The following HELZ variants were observed in gnomAD, a reference collection of about 807,000 sequenced individuals.
HELZ encodes helicase with zinc finger, also known as ATP-dependent RNA helicase with zinc finger domain.
In HELZ, 23 loss-of-function variants were observed where a neutral mutation model predicts 218.2. The observed-to-expected ratio is 0.11, with a 90% confidence interval of 0.08 to 0.15. The LOEUF is 0.15. HELZ is among the 10% of genes least tolerant of loss of function. HELZ has a pLI of 1.00. For missense variants in HELZ, 1,813 were observed against 2,353.7 expected, an observed-to-expected ratio of 0.77 and a Z score of 4.75; for synonymous variants, 814 against 829.4, an observed-to-expected ratio of 0.98 and a Z score of 0.32.
chr17:67,109,759 C>A, intron 28 of HELZ, 73 bp from the exon 29 acceptor site: 1 of 1,055,468 alleles, frequency 9.5e-7, no homozygotes, highest in East Asian at 2.4e-5. Context: ...TTTCCCAACC[C>A]TAACACATCT....
intron 3 of HELZ, among the ~76,000 whole-genome samples, chr17:67,231,486 G>C (rs771830195): frequency 1.3e-5 from 2 of 150,700 alleles, no homozygotes; most frequent in Non-Finnish European, 3.0e-5. Flanking sequence ...CTAGCTACTC[G>C]GGAGGTTGAG....
At chr17:67,240,565 A>G (rs1386214388) in intron 2 of HELZ, among the ~76,000 whole-genome samples, 1 of 152,218 alleles carries the variant, frequency 6.6e-6, no homozygotes, top group Non-Finnish European at 1.5e-5. Context: ...CAACAAAGAT[A>G]ATTTCTGCAG....
chr17:67,167,983 T>A (rs917346677), intron 13 of HELZ, among the ~76,000 whole-genome samples, 187 bp from the exon 14 acceptor site: 5 of 90,240 alleles, frequency 5.5e-5, no homozygotes, highest in Admixed American at 9.5e-5. Context: ...AAAAAAAAAT[T>A]TTTTTTTTTG....
chr17:67,230,616 A>G (rs954909871), intron 3 of HELZ, among the ~76,000 whole-genome samples: 2 of 143,446 alleles, frequency 1.4e-5, no homozygotes, highest in Non-Finnish European at 3.1e-5. Context: ...AAAAAAAAGC[A>G]AGCAAATTAT....
rs182580469 is a variant in HELZ, at chr17:67,202,676, C to A, written c.372+643G>T. On this transcript the variant is annotated intron_variant, in intron 6 of 32. Coordinates refer to ENST00000358691, the MANE Select transcript of HELZ (RefSeq NM_014877.4). Reference sequence around the variant, plus strand: ...TGAAATAAATTGTTGAATTTAAGAACCCTATGAGATCATATGTCCACATCA... The same window carrying A: ...TGAAATAAATTGTTGAATTTAAGAAACCTATGAGATCATATGTCCACATCA... Among the ~76,000 whole-genome samples the A allele has an allele frequency of 4.9e-4, 74 of 152,174 alleles. No homozygotes were observed. In the East Asian group the frequency reaches 0.013, roughly 26 times the overall value.
At chr17:67,135,371 G>A (rs2038117755) in intron 23 of HELZ, among the ~76,000 whole-genome samples, 1 of 152,106 alleles carries the variant, frequency 6.6e-6, no homozygotes, top group Non-Finnish European at 1.5e-5. Context: ...ATCCATCAAA[G>A]ACAAACACAT....
intron 12 of HELZ, among the ~76,000 whole-genome samples, chr17:67,181,819 C>T (rs145320379): frequency 5.3e-5 from 8 of 151,910 alleles, no homozygotes; most frequent in African/African-American, 1.9e-4. Context: ...ACTAAGGATA[C>T]GGTATGCAAA....
At chr17:67,136,423 T>G (rs2038152421) in intron 22 of HELZ, among the ~76,000 whole-genome samples, 1 of 152,204 alleles carries the variant, frequency 6.6e-6, no homozygotes, top group Non-Finnish European at 1.5e-5. Context: ...AACTACCATA[T>G]GATCCAGCAA....
intron 20 of HELZ, among the ~76,000 whole-genome samples, chr17:67,147,733 C>T (rs1156452851): frequency 2.6e-5 from 4 of 151,966 alleles, no homozygotes; most frequent in African/African-American, 9.7e-5. Context: ...AATCTCCTGC[C>T]TCGTCCTCCC....
intron 21 of HELZ, among the ~76,000 whole-genome samples, chr17:67,139,077 T>C (rs1450803269): frequency 6.6e-6 from 1 of 151,896 alleles, no homozygotes; most frequent in Non-Finnish European, 1.5e-5. Context: ...TCTTTATTAT[T>C]TACTAACAGT....
chr17:67,108,861 T>A lies in HELZ; in HGVS notation c.4490-135A>T. ...ATTTGGTTTTGGTAAGAAGTAAATG[T>A]TTTCTAAATTTGCCAGAAATCAGTT... is the stretch of plus-strand genomic sequence containing the variant. On this transcript the variant is annotated intron_variant, in intron 29 of 32. Coordinates refer to ENST00000358691, the MANE Select transcript of HELZ (RefSeq NM_014877.4). The surrounding 1 kb of genome is among the most constrained non-coding windows in gnomAD (Gnocchi z 4.1). The A allele has an allele frequency of 1.4e-6, 1 of 735,028 alleles. No homozygotes were observed. Among genetic ancestry groups the A allele is most frequent in the Admixed American group, 2.9e-5 (1 of 34,020 alleles). The allele number at this position is 735,028 out of a possible 1,614,324, so 45.5% of individuals were successfully genotyped here.
intron 5 of HELZ, among the ~76,000 whole-genome samples, chr17:67,205,713 T>C (rs955224461): frequency 6.6e-6 from 1 of 152,236 alleles, no homozygotes; most frequent in Non-Finnish European, 1.5e-5. Flanking sequence ...TCACATAACA[T>C]TTTACAAACA....
intron 9 of HELZ, 36 bp downstream of exon 9, chr17:67,193,931 C>T (rs765921748): frequency 6.8e-7 from 1 of 1,472,096 alleles, no homozygotes; most frequent in Non-Finnish European, 9.5e-7. Context: ...TTCAACAAGA[C>T]ATGTCATTGT....
intron 31 of HELZ, among the ~76,000 whole-genome samples, chr17:67,091,326 A>G (rs2036569415): frequency 6.6e-6 from 1 of 152,112 alleles, no homozygotes; most frequent in Non-Finnish European, 1.5e-5. Context: ...TCAATTCATT[A>G]CTCTGAAAAT....
intron 3 of HELZ, among the ~76,000 whole-genome samples, chr17:67,234,043 CAAA>C (rs551566138): frequency 2.0e-5 from 2 of 98,664 alleles, no homozygotes; most frequent in African/African-American, 4.3e-5. Context: ...GACTCCATCT[CAAA>C]AAAAAAAAAA....
intron 17 of HELZ, among the ~76,000 whole-genome samples, chr17:67,151,441 T>C (rs753663641): frequency 6.6e-6 from 1 of 152,188 alleles, no homozygotes; most frequent in Non-Finnish European, 1.5e-5. Flanking sequence ...ATAGAAAGTA[T>C]ATGCAGTACC....
In HELZ at chr17:67,145,849, C is replaced by G. The variant is rs1423416951; in HGVS notation, c.2663G>C (p.Ser888Thr). 6.2e-7 allele frequency: 1 copy of G among 1,613,632 alleles called. No individual in the cohort carries two copies. Among genetic ancestry groups the G allele is most frequent in the Non-Finnish European group, 8.5e-7 (1 of 1,179,836 alleles). The change falls in exon 21 of 33, where the codon AGT (serine) becomes ACT (threonine). Residue 888 changes from serine (S) to threonine (T), a missense_variant. Around this residue, in one of 4 missense-constraint regions of HELZ, gnomAD observed 156 missense variants for 274.4 expected, o/e 0.57. Transcript: ENST00000358691. ...ATCTTTGTGTGCTGGCTGCTTCCCA[C>G]TGGCCATCAGTTTGCCCTCATAGAA... ...ELFYEGKLMA[S>T]GKQPAHKDFY...
intron 3 of HELZ, among the ~76,000 whole-genome samples, chr17:67,219,899 AC>A (rs1555626421): frequency 2.0e-5 from 3 of 152,180 alleles, no homozygotes; most frequent in Non-Finnish European, 2.9e-5. Flanking sequence ...TAGCTATAAC[AC>A]TCATGGCAGG....
chr17:67,229,156 T>C (rs1374707027), intron 3 of HELZ, among the ~76,000 whole-genome samples: 1 of 152,180 alleles, frequency 6.6e-6, no homozygotes, highest in Non-Finnish European at 1.5e-5. Context: ...AAGTATACTT[T>C]AGAGATGGCA....
Sources: allele counts gnomAD v4.1 joint callset (sites outside exome capture counted in the v4.1 genomes callset), GRCh38; gene constraint gnomAD v4.1.1; regional missense constraint gnomAD v4.1.1; non-coding constraint Gnocchi (gnomAD v3.1); transcripts MANE v1.5; gene names NCBI Gene and HGNC (gene_info 2026-07-23, HGNC 2026-07-21).